PARD3B: variants seen among roughly 807,000 people sequenced by gnomAD.
PARD3B encodes par-3 family cell polarity regulator beta, also known as partitioning defective 3 homolog B.
A neutral mutation model predicts 130.2 loss-of-function variants in PARD3B; 103 were observed. The ratio of observed to expected loss-of-function variants is 0.79; its 90% confidence interval spans 0.67 to 0.93. The LOEUF is 0.93. Ranked by LOEUF, PARD3B falls within the 40% of genes least tolerant of loss-of-function variation. The probability of loss-of-function intolerance (pLI) is 0.00; values close to 1 mark genes in which losing one functional copy is unlikely to be tolerated. For missense variants in PARD3B, 1,609 were observed against 1,499.2 expected, an observed-to-expected ratio of 1.07 and a Z score of -1.21; for synonymous variants, 583 against 553.2, an observed-to-expected ratio of 1.05 and a Z score of -0.76.
At chr2:205,425,712 C>G (rs2047122584) in intron 19 of PARD3B, among the ~76,000 whole-genome samples, 1 of 152,116 alleles carries the variant, frequency 6.6e-6, no homozygotes, top group Non-Finnish European at 1.5e-5. Flanking sequence ...CCACGCCTGA[C>G]TCTCAGAAGC....
chr2:204,755,858 A>G (rs1163164884), intron 2 of PARD3B, among the ~76,000 whole-genome samples: 1 of 152,132 alleles, frequency 6.6e-6, no homozygotes. Context: ...ACCCTGTGTT[A>G]CATGAAAAGG....
In PARD3B at chr2:205,269,025, T is replaced by G. The variant is rs1465789679; in HGVS notation, c.2185+23203T>G. 6.6e-6 allele frequency among the ~76,000 whole-genome samples: 1 copy of G among 152,134 alleles called. No individual in the cohort carries two copies. The highest frequency in any genetic ancestry group is 6.6e-5 in the Admixed American group (1 of 15,262). On this transcript the variant is annotated intron_variant, in intron 16 of 22. Transcript: ENST00000406610. This position sits in a 1 kb window ranked among gnomAD's most constrained non-coding sequence, Gnocchi z 4.7. ...ACCTGTGAAGCTCAAAGAATAGGTA[T>G]TATTCCATTTTGTAGATGAGAAAAT... is the stretch of plus-strand genomic sequence containing the variant.
intron 2 of PARD3B, among the ~76,000 whole-genome samples, chr2:204,786,251 C>T (rs1462974105): frequency 2.0e-5 from 3 of 152,116 alleles, no homozygotes; most frequent in African/African-American, 4.8e-5. Flanking sequence ...GGATAACAGG[C>T]ACAGTTTGAT....
intron 1 of PARD3B, among the ~76,000 whole-genome samples, chr2:204,568,762 C>CT (rs1478519115): frequency 6.6e-6 from 1 of 151,988 alleles, no homozygotes; most frequent in Non-Finnish European, 1.5e-5. Context: ...TGAGACCAAC[C>CT]TGGCCAATAT....
chr2:205,249,085 C>T (rs557384324), intron 16 of PARD3B, among the ~76,000 whole-genome samples: 1 of 144,672 alleles, frequency 6.9e-6, no homozygotes, highest in Non-Finnish European at 1.5e-5. Context: ...TCTCTGCTCA[C>T]TGCAACCTCT....
chr2:204,880,826 C>G (rs2046019730), intron 2 of PARD3B, among the ~76,000 whole-genome samples: 2 of 152,090 alleles, frequency 1.3e-5, no homozygotes, highest in Non-Finnish European at 2.9e-5. Context: ...CCAGAGCTAA[C>G]TAATGCAGTA....
intron 1 of PARD3B, among the ~76,000 whole-genome samples, chr2:204,663,534 G>A (rs1415021607): frequency 1.3e-5 from 2 of 152,296 alleles, no homozygotes; most frequent in East Asian, 3.9e-4. Context: ...AAAATATAAA[G>A]ATCGTATTGA....
rs958258490 is a variant in PARD3B, at chr2:205,503,972, G to C, written c.3180+3941G>C. 9.2e-5 allele frequency among the ~76,000 whole-genome samples: 14 copies of C among 151,890 alleles called. No individual in the cohort carries two copies. In the East Asian group the frequency reaches 1.7e-3, roughly 19 times the overall value. Reference sequence around the variant, plus strand: ...GAGTTCACTCATGATTTGGCTCTCTGTTTGTCTGTTATTGGTGTATAAGAA... The same window carrying C: ...GAGTTCACTCATGATTTGGCTCTCTCTTTGTCTGTTATTGGTGTATAAGAA... On this transcript the variant is annotated intron_variant, in intron 21 of 22. Transcript: ENST00000406610.
chr2:204,638,804 C>T (rs979130963), intron 1 of PARD3B, among the ~76,000 whole-genome samples: 1 of 152,122 alleles, frequency 6.6e-6, no homozygotes, highest in African/African-American at 2.4e-5. Context: ...GCATATAGTT[C>T]GTAACAGAGT....
At chr2:204,916,252 A>G (rs1389306376) in intron 2 of PARD3B, among the ~76,000 whole-genome samples, 1 of 152,256 alleles carries the variant, frequency 6.6e-6, no homozygotes, top group Non-Finnish European at 1.5e-5. Flanking sequence ...TTTGTTTGTG[A>G]AACAGAAAAC....
intron 21 of PARD3B, among the ~76,000 whole-genome samples, chr2:205,548,988 G>A (rs1349401363): frequency 6.6e-6 from 1 of 152,030 alleles, no homozygotes; most frequent in Non-Finnish European, 1.5e-5. Flanking sequence ...AAGCAAAGAA[G>A]ATATACATAT....
intron 16 of PARD3B, among the ~76,000 whole-genome samples, chr2:205,267,711 A>G (rs1162139612): frequency 6.6e-6 from 1 of 152,164 alleles, no homozygotes; most frequent in Non-Finnish European, 1.5e-5. Context: ...ATTTGAGTTT[A>G]CAAGCTGGCT....
At position 205,229,424 on chromosome 2, in the gene PARD3B, T is replaced by C. The variant is rs545396014; in HGVS notation, c.2141-16354T>C. On this transcript the variant is annotated intron_variant, in intron 15 of 22. Transcript: ENST00000406610. The surrounding 1 kb of genome is among the most constrained non-coding windows in gnomAD (Gnocchi z 5.2). ...ACTTGTAGAGGTGCCATGTTGGTGG[T>C]CTTGGATAAGATCTGGGAGAATTAA... Among the ~76,000 whole-genome samples the C allele has an allele frequency of 1.3e-5, 2 of 152,154 alleles. No homozygotes were observed. The highest frequency in any genetic ancestry group is 2.9e-5 in the Non-Finnish European group (2 of 68,022).
At chr2:205,061,993 T>G (rs1700091031) in intron 4 of PARD3B, among the ~76,000 whole-genome samples, 1 of 152,088 alleles carries the variant, frequency 6.6e-6, no homozygotes, top group African/African-American at 2.4e-5. Context: ...GGTTCAAACC[T>G]GTCATCCATC....
rs960054063 is a variant in PARD3B at position 204,673,011 on chromosome 2, A to G, written c.121-13170A>G. On this transcript the variant is annotated intron_variant, in intron 1 of 22. Transcript: ENST00000406610. This position sits in a 1 kb window ranked among gnomAD's most constrained non-coding sequence, Gnocchi z 4.7. The stretch of plus-strand genomic sequence containing the variant: ...TATGTATGCCCGTGTATGTGAATGT[A>G]TGTGAATATGTAATGAATTTCTCAC... Among the ~76,000 whole-genome samples the G allele has an allele frequency of 5.3e-5, 8 of 152,218 alleles. No individual in the cohort carries two copies. Among genetic ancestry groups the G allele is most frequent in the South Asian group, 4.1e-4 (2 of 4,832 alleles).
At chr2:204,603,509 G>A (rs1319178383) in intron 1 of PARD3B, among the ~76,000 whole-genome samples, 2 of 152,062 alleles carry the variant, frequency 1.3e-5, no homozygotes, top group East Asian at 1.9e-4. Context: ...GGACTATCAG[G>A]AACAGATAAT....
At chr2:204,848,008 C>A in intron 2 of PARD3B, among the ~76,000 whole-genome samples, 1 of 152,138 alleles carries the variant, frequency 6.6e-6, no homozygotes, top group South Asian at 2.1e-4. Flanking sequence ...GGTATTCTAT[C>A]ATTTCACATC....
rs550414332 is a variant in PARD3B at position 204,593,945 on chromosome 2, CTT to C, written c.120+47827_120+47828del. ...ACACTAAGGAGTTCCACAGTTGTGTCTTGACTGTTTCCTTGAATAAATTCTCT... is the reference window on the plus strand; with the variant it reads ...ACACTAAGGAGTTCCACAGTTGTGTCGACTGTTTCCTTGAATAAATTCTCT... On this transcript the variant is annotated intron_variant, in intron 1 of 22. Coordinates refer to ENST00000406610, the MANE Select transcript of PARD3B (RefSeq NM_001302769.2). 3.1e-3 allele frequency among the ~76,000 whole-genome samples: 479 copies of C among 152,282 alleles called. 5 individuals are homozygous for C. Among genetic ancestry groups the C allele is most frequent in the African/African-American group, 0.011 (451 of 41,542 alleles).
rs754967555 is a variant in PARD3B at position 204,669,382 on chromosome 2, A to G, written c.121-16799A>G. On this transcript the variant is annotated intron_variant, in intron 1 of 22. Transcript: ENST00000406610. The surrounding 1 kb of genome is among the most constrained non-coding windows in gnomAD (Gnocchi z 4.3). ...ATTTGTTTTGCTATTGAATGTGATT[A>G]TATCCACTTTTATCAATATATAATT... Among the ~76,000 whole-genome samples, 1 of 152,156 alleles carries G rather than the reference A, an allele frequency of 6.6e-6. No homozygotes were observed. The highest frequency in any genetic ancestry group is 1.5e-5 in the Non-Finnish European group (1 of 68,018).
Sources: gnomAD v4.1 joint callset for allele counts (sites outside exome capture counted in the v4.1 genomes callset) on GRCh38, gnomAD v4.1.1 for gene constraint, Gnocchi (gnomAD v3.1) non-coding constraint, MANE v1.5 for transcripts, NCBI Gene and HGNC (gene_info 2026-07-23, HGNC 2026-07-21) for gene names.